YIPF1: variants seen among roughly 807,000 people sequenced by gnomAD.
YIPF1 encodes protein YIPF1.
In YIPF1, 22 loss-of-function variants were observed where a neutral mutation model predicts 37.0. That is an observed-to-expected ratio of 0.59 (90% CI 0.42 to 0.85). YIPF1 has a LOEUF of 0.85. YIPF1 is among the 40% of genes least tolerant of loss of function. The pLI, the probability that YIPF1 is intolerant of heterozygous loss-of-function variation, is 0.00. For missense variants in YIPF1, 355 were observed against 373.1 expected (o/e 0.95, Z 0.40); for synonymous variants, 128 against 131.9 (o/e 0.97, Z 0.21).
chr1:53,854,213 C>G (rs1649664613), intron 10 of YIPF1, among the ~76,000 whole-genome samples: 1 of 152,032 alleles, frequency 6.6e-6, no homozygotes, highest in South Asian at 2.1e-4. Flanking sequence ...GATTGCACCA[C>G]TGTCCTCCAG....
Position 53,851,801 on chromosome 1 carries a change from T to G in YIPF1, c.*478A>C, listed in dbSNP as rs1299184187. ...AGTATCAGGTTACCAAAGACAAATT[T>G]TCAAGCTCCCGGTTAATCCCCACCA... On this transcript the variant is annotated 3_prime_UTR_variant, in exon 11 of 11. Transcript: ENST00000072644. 4 of 152,200 alleles carry G rather than the reference T, an allele frequency of 2.6e-5. No homozygotes were observed. Among genetic ancestry groups the G allele is most frequent in the Non-Finnish European group, 4.4e-5 (3 of 68,042 alleles). The allele number at this position is 152,200 out of a possible 1,614,324, so 9.4% of individuals were successfully genotyped here.
At chr1:53,885,651 T>A (rs1242893009) in intron 3 of YIPF1, among the ~76,000 whole-genome samples, 1 of 151,606 alleles carries the variant, frequency 6.6e-6, no homozygotes, top group Admixed American at 6.6e-5. Flanking sequence ...TAAAAACCCA[T>A]CTCTACTAAA....
Position 53,866,199 on chromosome 1 carries a change from C to A in YIPF1, c.831+1G>T. The A allele has an allele frequency of 6.2e-7, 1 of 1,613,520 alleles. No individual in the cohort carries two copies. The highest frequency in any genetic ancestry group is 8.5e-7 in the Non-Finnish European group (1 of 1,179,670). Reference sequence around the variant, plus strand: ...AAAAGAATATACGACTGAACCCATACCAAGCAGCCCACAGAAAGCAGCATA... The same window carrying A: ...AAAAGAATATACGACTGAACCCATAACAAGCAGCCCACAGAAAGCAGCATA... On this transcript the variant is annotated splice_donor_variant, in intron 9 of 10. Transcript: ENST00000072644. LOFTEE classifies it high-confidence loss of function.
Position 53,888,916 on chromosome 1 carries a change from G to T in YIPF1, c.22C>A (p.Gln8Lys). 1.9e-6 allele frequency: 3 copies of T among 1,591,992 alleles called. No individual in the cohort carries two copies. The highest frequency in any genetic ancestry group is 2.6e-6 in the Non-Finnish European group (3 of 1,162,028). Residue 8 changes from glutamine (Q) to lysine (K), a missense_variant, in exon 3 of 11, where the codon CAA (glutamine) becomes AAA (lysine). Transcript: ENST00000072644. The stretch of plus-strand genomic sequence containing the variant: ...CACCCAACTGGTATACCTTCAAATT[G>T]CAAGTCATCTACTGCTGCCATTCGG... The part of the protein sequence containing the change: MAAVDDL[Q>K]FEEFGNAATS...
chr1:53,854,509 G>A (rs757475937), intron 10 of YIPF1, among the ~76,000 whole-genome samples: 1 of 152,088 alleles, frequency 6.6e-6, no homozygotes, highest in South Asian at 2.1e-4. Context: ...CTGCACTATC[G>A]CATGGGCATT....
intron 3 of YIPF1, among the ~76,000 whole-genome samples, chr1:53,885,100 G>A (rs892831609): frequency 9.2e-5 from 14 of 152,182 alleles, no homozygotes; most frequent in African/African-American, 3.4e-4. Flanking sequence ...GTAGCTCCAT[G>A]ACCTTGAGCA....
intron 6 of YIPF1, among the ~76,000 whole-genome samples, chr1:53,871,723 C>T (rs1650197391): frequency 6.6e-6 from 1 of 151,962 alleles, no homozygotes; most frequent in Non-Finnish European, 1.5e-5. Context: ...GGCCAAAACG[C>T]CTTCCACAAT....
At position 53,878,298 on chromosome 1, in the gene YIPF1, A is replaced by G; in HGVS notation, c.364+17T>C. 3.7e-6 allele frequency: 6 copies of G among 1,611,130 alleles called. No homozygotes were observed. The highest frequency in any genetic ancestry group is 4.2e-6 in the Non-Finnish European group (5 of 1,178,880). On this transcript the variant is annotated intron_variant, in intron 6 of 10. Transcript: ENST00000072644. ...AGTTCAACTGAAATACGGTAAACAA[A>G]TCAGTACTAAACATACCATAGAGAT...
chr1:53,874,053 A>G (rs1008272082), intron 6 of YIPF1, among the ~76,000 whole-genome samples: 4 of 152,140 alleles, frequency 2.6e-5, no homozygotes, highest in Non-Finnish European at 5.9e-5. Context: ...CACAAGCAAG[A>G]TAACTTTCCC....
intron 10 of YIPF1, among the ~76,000 whole-genome samples, chr1:53,857,516 G>A (rs1006040612): frequency 2.6e-5 from 4 of 152,144 alleles, no homozygotes; most frequent in Non-Finnish European, 5.9e-5. Flanking sequence ...AAATGGGAAA[G>A]TGAAAAACCT....
At chr1:53,867,450 G>A (rs538154423) in intron 7 of YIPF1, among the ~76,000 whole-genome samples, 281 of 142,392 alleles carry the variant, frequency 2.0e-3, no homozygotes, top group African/African-American at 7.0e-3. Flanking sequence ...TAGGCTCACT[G>A]CAAGCTCCGC....
chr1:53,865,535 A>G (rs1649997239), intron 9 of YIPF1, among the ~76,000 whole-genome samples: 1 of 152,168 alleles, frequency 6.6e-6, no homozygotes, highest in Non-Finnish European at 1.5e-5. Context: ...CCATTTTTAT[A>G]TAGAGAACTT....
rs372022658 is a variant in YIPF1 at position 53,866,406 on chromosome 1, C to T, written c.649-24G>A. ...ATCTGAAAGAAGAGAAAAGGAGGAG[C>T]GGGGAGTTCTTGGGAGGCATTTGTT... On this transcript the variant is annotated intron_variant, in intron 8 of 10. Transcript: ENST00000072644. The T allele has an allele frequency of 1.2e-4, 199 of 1,608,398 alleles. 3 individuals are homozygous for T. The highest frequency in any genetic ancestry group is 4.4e-4 in the South Asian group (40 of 90,534).
chr1:53,866,257 T>C lies in YIPF1; in HGVS notation c.774A>G (p.Ala258=), dbSNP rs1650019943. ...ACACAATTGTCACAATTGTGGCCAATGCAACGCGTCGGTTATCCTCACGAA... is the reference window on the plus strand; with the variant it reads ...ACACAATTGTCACAATTGTGGCCAACGCAACGCGTCGGTTATCCTCACGAA... ...PAVREDNRRV[A]LATIVTIVLL... The change falls in exon 9 of 11, where the codon GCA becomes GCG. Residue 258 remains alanine, a synonymous_variant. Transcript: ENST00000072644. 1 of 1,614,170 alleles carries C rather than the reference T, an allele frequency of 6.2e-7. No homozygotes were observed. The highest frequency in any genetic ancestry group is 8.5e-7 in the Non-Finnish European group (1 of 1,180,036).
intron 7 of YIPF1, among the ~76,000 whole-genome samples, chr1:53,867,465 C>T (rs574705341): frequency 7.9e-5 from 12 of 151,292 alleles, no homozygotes; most frequent in African/African-American, 2.7e-4. Flanking sequence ...CTCCGCCTCC[C>T]GGGTTCACGC....
At chr1:53,855,433 G>C (rs781631543) in intron 10 of YIPF1, among the ~76,000 whole-genome samples, 1 of 152,030 alleles carries the variant, frequency 6.6e-6, no homozygotes, top group South Asian at 2.1e-4. Context: ...AAGAAGGAAG[G>C]ATGGAAGCCA....
At chr1:53,877,690 C>T (rs1340932422) in intron 6 of YIPF1, among the ~76,000 whole-genome samples, 7 of 152,210 alleles carry the variant, frequency 4.6e-5, no homozygotes, top group Admixed American at 4.6e-4. Flanking sequence ...TGGAACTCAG[C>T]ATATCAATGA....
At chr1:53,859,333 A>T (rs1333481278) in intron 10 of YIPF1, among the ~76,000 whole-genome samples, 1 of 152,212 alleles carries the variant, frequency 6.6e-6, no homozygotes, top group African/African-American at 2.4e-5. Context: ...AGTGATACTT[A>T]ATACAAAGTG....
intron 8 of YIPF1, 101 bp from the exon 9 acceptor site, chr1:53,866,483 C>T: frequency 1.6e-6 from 2 of 1,277,014 alleles, no homozygotes; most frequent in Non-Finnish European, 2.2e-6. Flanking sequence ...AGCAGCTGGG[C>T]CCCCATTGCC....
Sources: allele counts gnomAD v4.1 joint callset (sites outside exome capture counted in the v4.1 genomes callset), GRCh38; gene constraint gnomAD v4.1.1; transcripts MANE v1.5; gene names NCBI Gene and HGNC (gene_info 2026-07-23, HGNC 2026-07-21).